Variants in CPED1 observed in about 807,000 individuals in gnomAD.
CPED1 encodes the protein cadherin-like and PC-esterase domain-containing protein 1.
Under a neutral mutation model 128.2 loss-of-function variants are expected in CPED1, and 114 were observed. That is an observed-to-expected ratio of 0.89 (90% CI 0.76 to 1.04). CPED1 has a LOEUF of 1.04. Among genes scored for constraint, CPED1 ranks in the 50% least tolerant of loss-of-function variants. The probability of loss-of-function intolerance (pLI) is 0.00; values close to 1 mark genes in which losing one functional copy is unlikely to be tolerated. For missense variants in CPED1, 1,211 were observed against 1,207.1 expected (o/e 1.00, Z -0.05); for synonymous variants, 462 against 426.7 (o/e 1.08, Z -1.02).
intron 8 of CPED1, among the ~76,000 whole-genome samples, chr7:121,124,793 A>G (rs1452836219): frequency 6.6e-6 from 1 of 152,194 alleles, no homozygotes; most frequent in Non-Finnish European, 1.5e-5. Context: ...TTGACTAGGT[A>G]TAATTTTACT....
chr7:121,176,216 A>ACAAAAAAAAAAAAAAAAAAAAAAAAAAC (rs1796776160), intron 16 of CPED1, among the ~76,000 whole-genome samples: 1 of 93,036 alleles, frequency 1.1e-5, no homozygotes, highest in Non-Finnish European at 2.0e-5. Flanking sequence ...AAAAAAAAAA[A>ACAAAAAAAAAAAAAAAAAAAAAAAAAAC]CACCTCTGGA....
chr7:121,125,777 G>T, intron 8 of CPED1, 43 bp from the exon 9 acceptor site: 2 of 1,368,170 alleles, frequency 1.5e-6, no homozygotes, highest in Non-Finnish European at 2.1e-6. Context: ...ACATCCATGT[G>T]CATGTATCTT....
intron 16 of CPED1, among the ~76,000 whole-genome samples, chr7:121,212,988 T>G (rs1446870478): frequency 6.6e-6 from 1 of 151,920 alleles, no homozygotes; most frequent in Non-Finnish European, 1.5e-5. Flanking sequence ...CAGGAGGGGA[T>G]GCATTTGGCC....
chr7:121,044,019 GA>G, intron 3 of CPED1, among the ~76,000 whole-genome samples: 1 of 152,168 alleles, frequency 6.6e-6, no homozygotes, highest in South Asian at 2.1e-4. Flanking sequence ...TAATTGTGCT[GA>G]GGTACAAATT....
At chr7:121,229,704 T>C (rs907912930) in intron 16 of CPED1, among the ~76,000 whole-genome samples, 2 of 152,090 alleles carry the variant, frequency 1.3e-5, no homozygotes, top group African/African-American at 2.4e-5. Context: ...TTTCTAATGA[T>C]GGAAGCTAAA....
intron 16 of CPED1, among the ~76,000 whole-genome samples, chr7:121,192,070 A>G (rs764018436): frequency 1.3e-5 from 2 of 152,146 alleles, no homozygotes; most frequent in Non-Finnish European, 2.9e-5. Context: ...GAAATTGGAG[A>G]GGGGAAATCT....
Position 121,014,763 on chromosome 7 carries a change from C to T in CPED1, c.250-902C>T, listed in dbSNP as rs570833399. 1.3e-4 allele frequency among the ~76,000 whole-genome samples: 20 copies of T among 151,736 alleles called. No individual in the cohort carries two copies. In the East Asian group the frequency reaches 3.1e-3, roughly 24 times the overall value. On this transcript the variant is annotated intron_variant, in intron 2 of 22. Coordinates refer to ENST00000310396, the MANE Select transcript of CPED1 (RefSeq NM_024913.5). ...TCCCAATTGTGTTTTTTACCAAGTC[C>T]CCCTCATCTTCTCCACCACCTCCTT...
chr7:121,003,878 G>A (rs760023966), intron 2 of CPED1, among the ~76,000 whole-genome samples: 6 of 152,144 alleles, frequency 3.9e-5, no homozygotes, highest in Non-Finnish European at 1.5e-5. Context: ...ATAGCCATGA[G>A]GGTAATAAGA....
At chr7:121,044,389 C>A (rs1471735647) in intron 3 of CPED1, among the ~76,000 whole-genome samples, 1 of 151,960 alleles carries the variant, frequency 6.6e-6, no homozygotes, top group Non-Finnish European at 1.5e-5. Context: ...TGCTAGCAAG[C>A]ATTTGGGAAG....
chr7:121,046,372 T>C (rs1433449375), intron 3 of CPED1, among the ~76,000 whole-genome samples: 1 of 152,120 alleles, frequency 6.6e-6, no homozygotes, highest in African/African-American at 2.4e-5. Flanking sequence ...ACACTTTCTT[T>C]TATGGAACAT....
intron 3 of CPED1, among the ~76,000 whole-genome samples, chr7:121,045,756 G>C (rs1167082426): frequency 6.6e-6 from 1 of 151,978 alleles, no homozygotes. Context: ...TTTTAAATTG[G>C]ATTTTCATCC....
At chr7:121,087,103 C>A (rs1197404248) in intron 5 of CPED1, among the ~76,000 whole-genome samples, 5 of 152,180 alleles carry the variant, frequency 3.3e-5, no homozygotes, top group African/African-American at 9.7e-5. Flanking sequence ...CCCCTCTCCA[C>A]CCAATAACAA....
chr7:121,146,881 G>T (rs1388258535), intron 16 of CPED1, among the ~76,000 whole-genome samples: 1 of 152,054 alleles, frequency 6.6e-6, no homozygotes, highest in Non-Finnish European at 1.5e-5. Flanking sequence ...TAACCAGATT[G>T]GGATTAGAGT....
chr7:121,077,253 C>G (rs542707578), intron 5 of CPED1, among the ~76,000 whole-genome samples: 1 of 152,098 alleles, frequency 6.6e-6, no homozygotes, highest in African/African-American at 2.4e-5. Context: ...TTTTTCTTTC[C>G]TGTATCCTTT....
At position 121,010,519 on chromosome 7, in the gene CPED1, G is replaced by A. The variant is rs151063161; in HGVS notation, c.250-5146G>A. On this transcript the variant is annotated intron_variant, in intron 2 of 22. Transcript: ENST00000310396. ...CTATTTTAGCTTCCCAAAGTGCTGG[G>A]ATTACAGGCGTGAGCCACCACGCCC... Among the ~76,000 whole-genome samples the A allele has an allele frequency of 7.2e-3, 1,104 of 152,306 alleles. 21 individuals carry two copies. Among genetic ancestry groups the A allele is most frequent in the African/African-American group, 0.025 (1,045 of 41,564 alleles).
intron 22 of CPED1, among the ~76,000 whole-genome samples, chr7:121,288,157 T>C (rs1469994439): frequency 2.0e-5 from 3 of 152,240 alleles, no homozygotes; most frequent in Non-Finnish European, 4.4e-5. Flanking sequence ...TGCTCCTGGA[T>C]TCAATTCACA....
At chr7:121,253,902 G>A (rs1798745055) in intron 18 of CPED1, among the ~76,000 whole-genome samples, 1 of 152,134 alleles carries the variant, frequency 6.6e-6, no homozygotes, top group Non-Finnish European at 1.5e-5. Flanking sequence ...AAATATTGAA[G>A]CACCTAGATT....
chr7:121,213,527 C>T (rs17356657), intron 16 of CPED1, among the ~76,000 whole-genome samples: 22,369 of 151,964 alleles, frequency 0.15, 2,047 homozygotes, highest in Middle Eastern at 0.23. Context: ...ACTGTCCTCC[C>T]GTAATTCCCA....
intron 3 of CPED1, among the ~76,000 whole-genome samples, chr7:121,036,518 C>CTTTT (rs1358752491): frequency 1.2e-4 from 16 of 136,304 alleles, no homozygotes; most frequent in African/African-American, 4.1e-4. Context: ...TTTTTTTTTT[C>CTTTT]TTTCTTTATC....
Sources: gnomAD v4.1 joint callset for allele counts (sites outside exome capture counted in the v4.1 genomes callset) on GRCh38, gnomAD v4.1.1 for gene constraint, MANE v1.5 for transcripts, NCBI Gene and HGNC (gene_info 2026-07-23, HGNC 2026-07-21) for gene names.